Variants in PARVB observed in about 807,000 individuals in gnomAD.
The protein encoded by PARVB is parvin beta.
A neutral mutation model predicts 47.0 loss-of-function variants in PARVB; 46 were observed. The observed-to-expected ratio is 0.98, with a 90% CI of 0.77 to 1.25. PARVB has a LOEUF of 1.25. Among genes scored for constraint, PARVB ranks in the 50% most tolerant of loss-of-function variants. The pLI is 0.00. For missense variants in PARVB, 473 were observed against 471.6 expected (o/e 1.00, Z -0.03); for synonymous variants, 196 against 196.3 (o/e 1.00, Z 0.01).
intron 1 of PARVB, among the ~76,000 whole-genome samples, chr22:44,056,249 C>A (rs1418493130): frequency 6.6e-6 from 1 of 152,230 alleles, no homozygotes; most frequent in Non-Finnish European, 1.5e-5. Context: ...TGTGGGATCC[C>A]ACACCAGGAG....
At chr22:44,006,283 A>G (rs1378448408) in intron 2 of PARVB, among the ~76,000 whole-genome samples, 3 of 137,792 alleles carry the variant, frequency 2.2e-5, no homozygotes. Context: ...ATATCCTAGC[A>G]TCTTACGCCA....
chr22:44,087,662 G>T (rs1319817880), intron 1 of PARVB, among the ~76,000 whole-genome samples: 1 of 151,504 alleles, frequency 6.6e-6, no homozygotes. Flanking sequence ...TTTTGGGAAA[G>T]AGCCTGGGCA....
At chr22:44,014,734 T>C (rs2050558304) in intron 2 of PARVB, among the ~76,000 whole-genome samples, 1 of 152,192 alleles carries the variant, frequency 6.6e-6, no homozygotes, top group Non-Finnish European at 1.5e-5. Flanking sequence ...GGTTTGATCA[T>C]TGTCCTTCCT....
At position 44,091,959 on chromosome 22, in the gene PARVB, A is replaced by C. The variant is rs536644928; in HGVS notation, c.113-1969A>C. Among the ~76,000 whole-genome samples, 4 of 152,014 alleles carry C rather than the reference A, an allele frequency of 2.6e-5. No individual in the cohort carries two copies. The South Asian group carries it at 8.3e-4, about 32-fold the overall frequency. On this transcript the variant is annotated intron_variant, in intron 1 of 12. Coordinates refer to ENST00000338758, the MANE Select transcript of PARVB (RefSeq NM_013327.5). ...GGGAGGGAGGTTGTGTTGTCCTGGA[A>C]GTCGGGTCCACGGTCACGTCCTGAG...
chr22:44,023,541 A>ACAAAAT (rs202138296), upstream of PARVB, among the ~76,000 whole-genome samples: 5,758 of 28,672 alleles, frequency 0.2, 400 homozygotes, highest in African/African-American at 0.39. Context: ...ACAAAACAAA[A>ACAAAAT]TAAAATAAAA....
At chr22:44,137,960 T>G (rs1258558525) in intron 7 of PARVB, among the ~76,000 whole-genome samples, 1 of 152,120 alleles carries the variant, frequency 6.6e-6, no homozygotes, top group Non-Finnish European at 1.5e-5. Flanking sequence ...CATGCTGTGA[T>G]AGGAGTTCCC....
chr22:44,163,479 G>A (rs974146467), intron 11 of PARVB, among the ~76,000 whole-genome samples: 2 of 151,990 alleles, frequency 1.3e-5, no homozygotes, highest in South Asian at 2.1e-4. Context: ...CTCAAAAAAC[G>A]TAAATAAATA....
At chr22:44,004,965 G>A (rs1191364394) in intron 2 of PARVB, among the ~76,000 whole-genome samples, 1 of 152,062 alleles carries the variant, frequency 6.6e-6, no homozygotes, top group African/African-American at 2.4e-5. Flanking sequence ...AGGTTCTCAG[G>A]GACAGTGCTG....
chr22:44,038,216 T>C (rs1028768219), intron 1 of PARVB, among the ~76,000 whole-genome samples: 4 of 152,232 alleles, frequency 2.6e-5, no homozygotes, highest in Non-Finnish European at 4.4e-5. Flanking sequence ...GTGTGGTGCA[T>C]TCCCATTTCA....
At chr22:44,154,761 G>GGT (rs1303788994) in intron 10 of PARVB, among the ~76,000 whole-genome samples, 8 of 144,898 alleles carry the variant, frequency 5.5e-5, no homozygotes, top group East Asian at 2.1e-4. Context: ...CAGTCTGTGT[G>GGT]GTGTGTGTGT....
chr22:44,167,605 A>G (rs1269349968), intron 12 of PARVB, among the ~76,000 whole-genome samples: 1 of 151,860 alleles, frequency 6.6e-6, no homozygotes, highest in Non-Finnish European at 1.5e-5. Context: ...CATGGCCGCC[A>G]TTCTCCCTCC....
chr22:44,131,167 G>T (rs1258894855), intron 4 of PARVB, among the ~76,000 whole-genome samples: 3 of 146,592 alleles, frequency 2.0e-5, no homozygotes, highest in Non-Finnish European at 4.5e-5. Flanking sequence ...CTGAGGCAGG[G>T]TCTCACTCAG....
intron 6 of PARVB, among the ~76,000 whole-genome samples, chr22:44,134,476 G>A (rs1017171794): frequency 2.0e-5 from 3 of 152,238 alleles, no homozygotes; most frequent in African/African-American, 7.2e-5. Context: ...CTTGCACTTG[G>A]GTCCAAGATA....
chr22:43,999,393 G>A, exon 1 of PARVB: 2 of 1,610,772 alleles, frequency 1.2e-6, no homozygotes, highest in South Asian at 1.1e-5. Flanking sequence ...GGATTCCTTA[G>A]TCCAGAGAAC....
chr22:44,164,927 C>G (rs147723461), intron 12 of PARVB, among the ~76,000 whole-genome samples: 35 of 152,356 alleles, frequency 2.3e-4, no homozygotes, highest in Non-Finnish European at 4.0e-4. Context: ...CCCTTCCTGC[C>G]TGTTCATCCT....
chr22:44,163,696 C>T (rs531544065), intron 11 of PARVB, among the ~76,000 whole-genome samples, 162 bp from the exon 12 acceptor site: 2 of 152,198 alleles, frequency 1.3e-5, no homozygotes, highest in Non-Finnish European at 2.9e-5. Flanking sequence ...CTTCCTCACC[C>T]GTGTCTGCCC....
chr22:44,089,590 A>G lies in PARVB; in HGVS notation c.113-4338A>G, dbSNP rs953581600. On this transcript the variant is annotated intron_variant, in intron 1 of 12. Coordinates refer to ENST00000338758, the MANE Select transcript of PARVB (RefSeq NM_013327.5). The surrounding 1 kb of genome is among the most constrained non-coding windows in gnomAD (Gnocchi z 4.0). The stretch of plus-strand genomic sequence containing the variant: ...ACATTCCTGGGATTCACTGAAAGCC[A>G]GTAAACTGGCACCGTTCAGGTGGCG... The G allele has an allele frequency of 9.3e-5, 13 of 140,170 alleles. No individual in the cohort carries two copies. Among genetic ancestry groups the G allele is most frequent in the Non-Finnish European group, 3.1e-5 (2 of 64,728 alleles). 8.7% of individuals were successfully genotyped at this position (140,170 alleles called of 1,614,324 possible).
chr22:44,119,395 T>C (rs742549), intron 4 of PARVB, among the ~76,000 whole-genome samples: 14,594 of 152,254 alleles, frequency 0.096, 768 homozygotes, highest in African/African-American at 0.15. Flanking sequence ...TGCCTGCGGC[T>C]CCCATCCTGT....
chr22:44,050,691 CAGTT>C (rs1047563483), intron 1 of PARVB, among the ~76,000 whole-genome samples: 3 of 152,142 alleles, frequency 2.0e-5, no homozygotes, highest in Non-Finnish European at 4.4e-5. Flanking sequence ...GTAGCAATAT[CAGTT>C]AGAGAGACAG....
Sources: gnomAD v4.1 joint callset for allele counts (sites outside exome capture counted in the v4.1 genomes callset) on GRCh38, gnomAD v4.1.1 for gene constraint, Gnocchi (gnomAD v3.1) non-coding constraint, MANE v1.5 for transcripts, NCBI Gene and HGNC (gene_info 2026-07-23, HGNC 2026-07-21) for gene names.